The following LRRN3 variants were observed in gnomAD, a reference collection of about 807,000 sequenced individuals.
LRRN3 encodes the protein leucine-rich repeat neuronal protein 3.
Under a neutral mutation model 40.1 loss-of-function variants are expected in LRRN3, and 15 were observed. The ratio of observed to expected loss-of-function variants is 0.37; its 90% CI spans 0.25 to 0.58. The LOEUF (loss-of-function observed/expected upper bound fraction) is 0.58, where lower values mean the gene tolerates loss of function less well. LRRN3 is among the 20% of genes least tolerant of loss of function. The pLI is 0.72. For synonymous variants in LRRN3, 308 were observed against 297.2 expected, an observed-to-expected ratio of 1.04 and a Z score of -0.37; for missense variants, 746 against 837.7, an observed-to-expected ratio of 0.89 and a Z score of 1.35.
intron 2 of LRRN3, among the ~76,000 whole-genome samples, chr7:111,105,577 G>T (rs1453537941): frequency 6.6e-6 from 1 of 151,788 alleles, no homozygotes; most frequent in African/African-American, 2.4e-5. Context: ...AGCTGGCTGG[G>T]GGGAAAACAC....
intron 2 of LRRN3, among the ~76,000 whole-genome samples, chr7:111,102,599 AAG>A (rs761007853): frequency 2.0e-5 from 3 of 151,756 alleles, no homozygotes; most frequent in Admixed American, 1.3e-4. Flanking sequence ...AGTCAAATAA[AAG>A]AGAGAGAGAA....
In LRRN3 at chr7:111,124,735, T is replaced by C. The variant is rs1213572426; in HGVS notation, c.1963T>C (p.Cys655Arg). Residue 655 changes from cysteine to arginine, a missense_variant, in exon 3 of 3, where the codon TGT becomes CGT. Physicochemically the swap from Cys to Arg is radical, Grantham distance 180. Coordinates refer to ENST00000308478, the MANE Select transcript of LRRN3 (RefSeq NM_001099658.2). The stretch of plus-strand genomic sequence containing the variant: ...CAGCTGCCTCTCTCCAGAAATGAAC[T>C]GTGATGGTGGACACAGCTATGTGAG... ...LISCLSPEMN[C>R]DGGHSYVRNY... The C allele has an allele frequency of 6.2e-7, 1 of 1,613,938 alleles. No homozygotes were observed.
intron 2 of LRRN3, among the ~76,000 whole-genome samples, chr7:111,103,367 A>C (rs1351188191): frequency 6.6e-6 from 1 of 151,668 alleles, no homozygotes; most frequent in African/African-American, 2.4e-5. Context: ...AATAGTTTTT[A>C]CCAGTTTATA....
At chr7:111,117,984 T>C (rs927647477) in intron 2 of LRRN3, among the ~76,000 whole-genome samples, 1 of 152,118 alleles carries the variant, frequency 6.6e-6, no homozygotes, top group African/African-American at 2.4e-5. Context: ...TTAAATCTTC[T>C]TACTCACATG....
At position 111,124,284 on chromosome 7, in the gene LRRN3, T is replaced by G. The variant is rs148639592; in HGVS notation, c.1512T>G (p.Ala504=). 5.1e-4 allele frequency: 831 copies of G among 1,614,008 alleles called. No homozygotes were observed. The highest frequency in any genetic ancestry group is 6.3e-4 in the Non-Finnish European group (749 of 1,179,978). The change falls in exon 3 of 3, where the codon GCT becomes GCG. Residue 504 remains alanine, a synonymous_variant. Transcript: ENST00000308478. The stretch of plus-strand genomic sequence containing the variant: ...GTATAGCAACTAACCTAGTTGGCGC[T>G]GACTTGAAGTCTGTTATGATCAAAG... ...YTCIATNLVG[A]DLKSVMIKVD... is the part of the protein sequence containing the mutation.
chr7:111,119,640 G>C (rs1188805364), intron 2 of LRRN3, among the ~76,000 whole-genome samples: 3 of 152,170 alleles, frequency 2.0e-5, no homozygotes, highest in Non-Finnish European at 4.4e-5. Flanking sequence ...TAGAAATTAA[G>C]CAGATAGAAT....
At chr7:111,107,763 C>T (rs953234026) in intron 2 of LRRN3, among the ~76,000 whole-genome samples, 2 of 151,938 alleles carry the variant, frequency 1.3e-5, no homozygotes, top group Non-Finnish European at 2.9e-5. Flanking sequence ...TAATGAACTC[C>T]CAAAGATTTA....
At chr7:111,106,901 A>C (rs897330532) in intron 2 of LRRN3, among the ~76,000 whole-genome samples, 3 of 151,896 alleles carry the variant, frequency 2.0e-5, no homozygotes, top group African/African-American at 7.2e-5. Context: ...GAAAACATTC[A>C]TTCAATAGTA....
intron 1 of LRRN3, among the ~76,000 whole-genome samples, chr7:111,092,215 T>C (rs1057286721): frequency 6.6e-6 from 1 of 152,240 alleles, no homozygotes. Flanking sequence ...TGATTGCTAA[T>C]GCAGCTGGAA....
chr7:111,108,898 T>G (rs1798854978), intron 2 of LRRN3, among the ~76,000 whole-genome samples: 1 of 152,176 alleles, frequency 6.6e-6, no homozygotes, highest in Non-Finnish European at 1.5e-5. Flanking sequence ...CAGTAGATAT[T>G]TATTGAACAA....
intron 1 of LRRN3, among the ~76,000 whole-genome samples, chr7:111,095,419 A>G (rs906648757): frequency 7.2e-5 from 11 of 151,982 alleles, no homozygotes; most frequent in African/African-American, 2.7e-4. Flanking sequence ...CCTATGTGCA[A>G]AAAATCCCCC....
intron 2 of LRRN3, among the ~76,000 whole-genome samples, chr7:111,107,701 AG>A (rs1412786704): frequency 6.6e-6 from 1 of 152,130 alleles, no homozygotes; most frequent in East Asian, 1.9e-4. Context: ...TTAAATGTCA[AG>A]GCCACAGATT....
At chr7:111,113,532 C>T (rs1164450584) in intron 2 of LRRN3, among the ~76,000 whole-genome samples, 2 of 151,932 alleles carry the variant, frequency 1.3e-5, no homozygotes, top group Non-Finnish European at 2.9e-5. Flanking sequence ...TTATTTTTTT[C>T]TTTTAACTAT....
At chr7:111,099,851 T>C (rs1184372240) in intron 1 of LRRN3, 30 bp from the exon 2 acceptor site, 1 of 151,670 alleles carries the variant, frequency 6.6e-6, no homozygotes, top group Non-Finnish European at 1.5e-5. Context: ...TTTGGGGTTT[T>C]TTTCCTGCTA....
chr7:111,112,286 T>C (rs1172425063), intron 2 of LRRN3, among the ~76,000 whole-genome samples: 1 of 152,104 alleles, frequency 6.6e-6, no homozygotes, highest in Non-Finnish European at 1.5e-5. Flanking sequence ...AACTTTAACC[T>C]GCATATAGTG....
chr7:111,111,583 C>A (rs1329430261), intron 2 of LRRN3, among the ~76,000 whole-genome samples: 2 of 152,024 alleles, frequency 1.3e-5, no homozygotes, highest in East Asian at 3.9e-4. Context: ...GTATAGTAGT[C>A]AAATATTATA....
In LRRN3 at chr7:111,105,295, G is replaced by T. The variant is rs143943028; in HGVS notation, c.-359+5333G>T. ...TTTTGCAACAACCTTCTATGAATCTGACATCTAGTTATTTCAGTTAACATC... is the reference window on the plus strand; with the variant it reads ...TTTTGCAACAACCTTCTATGAATCTTACATCTAGTTATTTCAGTTAACATC... On this transcript the variant is annotated intron_variant, in intron 2 of 2. Transcript: ENST00000308478. Among the ~76,000 whole-genome samples the T allele has an allele frequency of 3.0e-4, 46 of 151,922 alleles. 1 individual carries two copies. In the East Asian group the frequency reaches 7.7e-3, roughly 26 times the overall value.
chr7:111,095,168 T>C (rs1376531212), intron 1 of LRRN3, among the ~76,000 whole-genome samples: 2 of 152,114 alleles, frequency 1.3e-5, no homozygotes, highest in African/African-American at 2.4e-5. Context: ...CATGCTTTCA[T>C]AGAATAAAAT....
At chr7:111,121,481 G>T (rs1800606795) in intron 2 of LRRN3, among the ~76,000 whole-genome samples, 2 of 152,138 alleles carry the variant, frequency 1.3e-5, no homozygotes, top group Admixed American at 1.3e-4. Flanking sequence ...ATGAAAAAAT[G>T]ATCATCATCA....
Sources: allele counts gnomAD v4.1 joint callset (sites outside exome capture counted in the v4.1 genomes callset), GRCh38; gene constraint gnomAD v4.1.1; transcripts MANE v1.5; gene names NCBI Gene and HGNC (gene_info 2026-07-23, HGNC 2026-07-21).